Variants in RHBDL2 observed in about 807,000 individuals in gnomAD.
The protein encoded by RHBDL2 is rhomboid like 2.
Under a neutral mutation model 31.7 loss-of-function variants are expected in RHBDL2, and 26 were observed. That is an observed-to-expected ratio of 0.82 (90% CI 0.60 to 1.14). The LOEUF (loss-of-function observed/expected upper bound fraction) is 1.14, where lower values mean the gene tolerates loss of function less well. RHBDL2 is among the 50% of genes most tolerant of loss of function. The pLI, the probability that RHBDL2 is intolerant of heterozygous loss-of-function variation, is 0.00. For synonymous variants in RHBDL2, 123 were observed against 127.2 expected (o/e 0.97, Z 0.22); for missense variants, 336 against 364.4 (o/e 0.92, Z 0.63).
intron 1 of RHBDL2, among the ~76,000 whole-genome samples, chr1:38,920,419 C>T (rs963811906): frequency 4.2e-4 from 64 of 151,584 alleles, no homozygotes; most frequent in African/African-American, 1.5e-3. Context: ...CCACCTGCCT[C>T]GGCCTCCCAA....
intron 6 of RHBDL2, among the ~76,000 whole-genome samples, chr1:38,891,835 A>G (rs994659135): frequency 6.6e-6 from 1 of 152,192 alleles, no homozygotes; most frequent in Non-Finnish European, 1.5e-5. Flanking sequence ...TGGACAGCCA[A>G]AAACATCTTA....
chr1:38,892,035 C>T (rs1381606512), intron 6 of RHBDL2, among the ~76,000 whole-genome samples: 1 of 152,206 alleles, frequency 6.6e-6, no homozygotes, highest in African/African-American at 2.4e-5. Context: ...TACCTTTACT[C>T]TCAGACTCAG....
intron 1 of RHBDL2, chr1:38,926,171 T>C (rs1643372419): frequency 9.3e-7 from 1 of 1,080,112 alleles, no homozygotes. Context: ...TGCATTTGCT[T>C]AGGATTTCTG....
chr1:38,940,665 AG>A (rs1643551174), intron 1 of RHBDL2, among the ~76,000 whole-genome samples: 1 of 152,182 alleles, frequency 6.6e-6, no homozygotes, highest in Admixed American at 6.6e-5. Flanking sequence ...GGAAGGGAAA[AG>A]CACAGGTGTT....
chr1:38,889,301 C>A (rs1262991285), intron 6 of RHBDL2, among the ~76,000 whole-genome samples: 1 of 152,050 alleles, frequency 6.6e-6, no homozygotes, highest in Non-Finnish European at 1.5e-5. Context: ...ACCGTGTTGA[C>A]AAGGCTGGTC....
chr1:38,916,336 G>A (rs1164838496), intron 2 of RHBDL2, among the ~76,000 whole-genome samples: 1 of 152,168 alleles, frequency 6.6e-6, no homozygotes, highest in Non-Finnish European at 1.5e-5. Context: ...ACATTCTACA[G>A]GATCCCTAGC....
rs1190815251 is a variant in RHBDL2, at chr1:38,904,987, C to T, written c.508+6335G>A. Among the ~76,000 whole-genome samples, 9 of 150,244 alleles carry T rather than the reference C, an allele frequency of 6.0e-5. No individual in the cohort carries two copies. The South Asian group carries it at 1.7e-3, about 28-fold the overall frequency. On this transcript the variant is annotated intron_variant, in intron 4 of 7. Coordinates refer to ENST00000372990, the MANE Select transcript of RHBDL2 (RefSeq NM_017821.5). ...CGGAGCTTGCAGTGAGCCGAGATCG[C>T]GCCACTGCACTCCAGCCTGGGCAAC...
At chr1:38,907,884 T>C (rs1643088432) in intron 4 of RHBDL2, among the ~76,000 whole-genome samples, 1 of 152,176 alleles carries the variant, frequency 6.6e-6, no homozygotes, top group African/African-American at 2.4e-5. Flanking sequence ...GAAAAATTGA[T>C]GTTAGACTTC....
chr1:38,903,487 T>C (rs1261557377), intron 4 of RHBDL2, among the ~76,000 whole-genome samples: 2 of 152,096 alleles, frequency 1.3e-5, no homozygotes, highest in Admixed American at 1.3e-4. Flanking sequence ...ACATCAAAAA[T>C]ATGAAATACA....
At chr1:38,896,627 T>A (rs1195622563) in intron 4 of RHBDL2, among the ~76,000 whole-genome samples, 1 of 152,156 alleles carries the variant, frequency 6.6e-6, no homozygotes, top group Admixed American at 6.5e-5. Flanking sequence ...AATCCAACAT[T>A]TTATTATCTA....
intron 3 of RHBDL2, among the ~76,000 whole-genome samples, chr1:38,912,963 C>CGT (rs146456884): frequency 0.35 from 39,112 of 111,962 alleles, 9,355 homozygotes; most frequent in African/African-American, 0.63. Context: ...TACATATACA[C>CGT]GTGTGTGTGT....
At chr1:38,916,601 T>C (rs1174734528) in intron 2 of RHBDL2, among the ~76,000 whole-genome samples, 4 of 151,896 alleles carry the variant, frequency 2.6e-5, no homozygotes, top group Non-Finnish European at 5.9e-5. Flanking sequence ...TCCCAGCCCT[T>C]TGGCGGGAGG....
intron 1 of RHBDL2, among the ~76,000 whole-genome samples, chr1:38,928,441 CATGTTTTGTT>C (rs764073329): frequency 6.6e-6 from 1 of 150,996 alleles, no homozygotes; most frequent in East Asian, 2.0e-4. Context: ...GGCGCCCGGC[CATGTTTTGTT>C]TTGTTTTGTT....
intron 1 of RHBDL2, among the ~76,000 whole-genome samples, chr1:38,934,910 A>C (rs532312426): frequency 6.6e-6 from 1 of 151,746 alleles, no homozygotes; most frequent in Admixed American, 6.6e-5. Context: ...GTGAGCTGAG[A>C]TCATGCCACT....
Position 38,915,764 on chromosome 1 carries a change from C to G in RHBDL2, c.247-54G>C, listed in dbSNP as rs1230835797. The G allele has an allele frequency of 3.2e-6, 5 of 1,578,118 alleles. No individual in the cohort carries two copies. In the African/African-American group the frequency reaches 5.4e-5, roughly 17 times the overall value. On this transcript the variant is annotated intron_variant, in intron 2 of 7. Coordinates refer to ENST00000372990, the MANE Select transcript of RHBDL2 (RefSeq NM_017821.5). ...ACCACACCTTCTCCAGAGAGGGGCCCCATCCAAGCCCGTGGGCAGTAACTG... is the reference window on the plus strand; with the variant it reads ...ACCACACCTTCTCCAGAGAGGGGCCGCATCCAAGCCCGTGGGCAGTAACTG...
In RHBDL2 at chr1:38,911,454, T is replaced by C. The variant is rs1321559923; in HGVS notation, c.396-20A>G. On this transcript the variant is annotated intron_variant, in intron 3 of 7. Transcript: ENST00000372990. Reference sequence around the variant, plus strand: ...TGAACTCTGCAAAGACAAACAATAGTTGTCAAATATTATGACTAAACCAAG... The same window carrying C: ...TGAACTCTGCAAAGACAAACAATAGCTGTCAAATATTATGACTAAACCAAG... 3 of 1,509,934 alleles carry C rather than the reference T, an allele frequency of 2.0e-6. No individual in the cohort carries two copies. The highest frequency in any genetic ancestry group is 2.8e-6 in the Non-Finnish European group (3 of 1,085,358). The allele number at this position is 1,509,934 out of a possible 1,614,324, so 93.5% of individuals were successfully genotyped here.
At chr1:38,937,941 C>T (rs1262289129) in intron 1 of RHBDL2, among the ~76,000 whole-genome samples, 1 of 152,042 alleles carries the variant, frequency 6.6e-6, no homozygotes, top group Admixed American at 6.6e-5. Flanking sequence ...GCCTGAAAAC[C>T]TTGGCGTCTT....
intron 5 of RHBDL2, among the ~76,000 whole-genome samples, chr1:38,894,872 AATTTTTGT>A (rs1345655330): frequency 6.6e-6 from 1 of 151,152 alleles, no homozygotes; most frequent in Non-Finnish European, 1.5e-5. Flanking sequence ...ACACCCAGCT[AATTTTTGT>A]ATTTTTAGTA....
chr1:38,938,660 C>T (rs1643534508), intron 1 of RHBDL2, among the ~76,000 whole-genome samples: 1 of 152,126 alleles, frequency 6.6e-6, no homozygotes, highest in Non-Finnish European at 1.5e-5. Context: ...TAAAGAAAAA[C>T]AAAACTAAAA....
Sources: gnomAD v4.1 joint callset for allele counts (sites outside exome capture counted in the v4.1 genomes callset) on GRCh38, gnomAD v4.1.1 for gene constraint, MANE v1.5 for transcripts, NCBI Gene and HGNC (gene_info 2026-07-23, HGNC 2026-07-21) for gene names.